BABAM2: variants seen among roughly 807,000 people sequenced by gnomAD.
BABAM2 encodes BRISC and BRCA1-A complex member 2.
A neutral mutation model predicts 54.7 loss-of-function variants in BABAM2; 31 were observed. The ratio of observed to expected loss-of-function variants is 0.57; its 90% CI spans 0.43 to 0.77. The LOEUF is 0.77. BABAM2 is among the 30% of genes least tolerant of loss of function. The pLI, the probability that BABAM2 is intolerant of heterozygous loss-of-function variation, is 0.00. For synonymous variants in BABAM2, 167 were observed against 162.9 expected, an observed-to-expected ratio of 1.03 and a Z score of -0.19; for missense variants, 364 against 455.8, an observed-to-expected ratio of 0.80 and a Z score of 1.83.
chr2:28,328,411 A>G (rs1057313146), intron 11 of BABAM2, among the ~76,000 whole-genome samples: 1 of 152,186 alleles, frequency 6.6e-6, no homozygotes, highest in Admixed American at 6.5e-5. Context: ...TCTATTTGCA[A>G]AAATGACCTC....
At chr2:28,245,207 A>G (rs1682808385) in intron 10 of BABAM2, among the ~76,000 whole-genome samples, 1 of 152,138 alleles carries the variant, frequency 6.6e-6, no homozygotes. Context: ...ACACACACAA[A>G]AAATTATTGA....
intron 3 of BABAM2, among the ~76,000 whole-genome samples, chr2:27,970,239 T>C (rs183070057): frequency 5.3e-5 from 8 of 152,220 alleles, no homozygotes; most frequent in Admixed American, 2.6e-4. Flanking sequence ...TTCCTGTATT[T>C]TCAGAATTTG....
At chr2:28,288,871 C>T (rs1339632827) in intron 10 of BABAM2, among the ~76,000 whole-genome samples, 1 of 151,968 alleles carries the variant, frequency 6.6e-6, no homozygotes, top group Admixed American at 6.6e-5. Flanking sequence ...GAAGTTGCTT[C>T]TTGACCTTGC....
chr2:28,334,984 TG>T (rs1427372639), intron 11 of BABAM2, among the ~76,000 whole-genome samples: 1 of 152,028 alleles, frequency 6.6e-6, no homozygotes, highest in Non-Finnish European at 1.5e-5. Context: ...CCAGAGAAGG[TG>T]GCGGTTTGGC....
chr2:28,051,720 C>T (rs1022021374), intron 6 of BABAM2, among the ~76,000 whole-genome samples: 1 of 152,088 alleles, frequency 6.6e-6, no homozygotes. Flanking sequence ...TCCATCTCGG[C>T]TCACTGCAAC....
intron 6 of BABAM2, among the ~76,000 whole-genome samples, chr2:28,088,779 T>C (rs1665902204): frequency 6.6e-6 from 1 of 152,188 alleles, no homozygotes; most frequent in Non-Finnish European, 1.5e-5. Context: ...GTATGTTTAT[T>C]CCTAATCCAT....
chr2:28,127,469 T>C (rs1453136683), intron 6 of BABAM2, among the ~76,000 whole-genome samples: 2 of 152,048 alleles, frequency 1.3e-5, no homozygotes, highest in Non-Finnish European at 2.9e-5. Flanking sequence ...ATAGAGAGTG[T>C]GTAGATATCT....
intron 6 of BABAM2, among the ~76,000 whole-genome samples, chr2:28,093,639 TA>T (rs149949233): frequency 3.0e-3 from 463 of 152,352 alleles, no homozygotes; most frequent in African/African-American, 0.011. Flanking sequence ...TACAACTTTT[TA>T]AATTTAGCTT....
At chr2:28,275,331 C>G (rs1685786835) in intron 10 of BABAM2, among the ~76,000 whole-genome samples, 1 of 152,224 alleles carries the variant, frequency 6.6e-6, no homozygotes, top group African/African-American at 2.4e-5. Context: ...TCCACTTTGA[C>G]TGAGGCTAGA....
At chr2:27,973,009 C>G (rs1671334582) in intron 3 of BABAM2, among the ~76,000 whole-genome samples, 1 of 151,802 alleles carries the variant, frequency 6.6e-6, no homozygotes, top group African/African-American at 2.4e-5. Flanking sequence ...CTCAGATGAT[C>G]CGCCCGCCTC....
At chr2:27,930,519 T>A (rs1434482078) in intron 3 of BABAM2, among the ~76,000 whole-genome samples, 1 of 152,202 alleles carries the variant, frequency 6.6e-6, no homozygotes, top group Non-Finnish European at 1.5e-5. Flanking sequence ...GGAGTTACCT[T>A]TACTGATTTA....
At chr2:28,195,685 T>C (rs1392590674) in intron 7 of BABAM2, among the ~76,000 whole-genome samples, 1 of 152,178 alleles carries the variant, frequency 6.6e-6, no homozygotes, top group Non-Finnish European at 1.5e-5. Context: ...ACAGTTCGGA[T>C]ATAGACAGCC....
rs530245296 is a variant in BABAM2, at chr2:28,311,185, CGGGA to C, written c.1088+12697_1088+12700del. Among the ~76,000 whole-genome samples, 28 of 143,774 alleles carry C rather than the reference CGGGA, an allele frequency of 1.9e-4. No homozygotes were observed. In the South Asian group the frequency reaches 6.5e-3, roughly 33 times the overall value. The allele number at this position is 143,774 out of a possible 152,430, so 94.3% of individuals were successfully genotyped here. ...CTGAGGCAGGAGAATGGCGTGAACC[CGGGA>C]GGCGGAGCTTGCAGTGAGCCGAGAT... On this transcript the variant is annotated intron_variant, in intron 11 of 11. Coordinates refer to ENST00000379624, the MANE Select transcript of BABAM2 (RefSeq NM_199191.3).
intron 6 of BABAM2, among the ~76,000 whole-genome samples, chr2:28,121,280 A>G (rs1189512466): frequency 6.6e-6 from 1 of 152,154 alleles, no homozygotes; most frequent in Non-Finnish European, 1.5e-5. Flanking sequence ...CTTTCTGACT[A>G]TACTGCTTTC....
intron 3 of BABAM2, among the ~76,000 whole-genome samples, chr2:27,948,895 C>G (rs370529525): frequency 6.6e-6 from 1 of 152,162 alleles, no homozygotes; most frequent in South Asian, 2.1e-4. Context: ...TTCAGAGATG[C>G]CCTTTATCAG....
chr2:28,085,262 CAAAG>C (rs1447590765), intron 6 of BABAM2, among the ~76,000 whole-genome samples: 2 of 152,100 alleles, frequency 1.3e-5, no homozygotes, highest in Admixed American at 1.3e-4. Context: ...CTTTATTAAA[CAAAG>C]AGATAAATAT....
chr2:28,239,167 A>G (rs1682184709), intron 8 of BABAM2, among the ~76,000 whole-genome samples: 1 of 152,250 alleles, frequency 6.6e-6, no homozygotes, highest in Non-Finnish European at 1.5e-5. Context: ...TTTTCTCAAA[A>G]TAACATTTCT....
chr2:28,044,763 C>T (rs916459159), intron 5 of BABAM2, among the ~76,000 whole-genome samples: 2 of 152,154 alleles, frequency 1.3e-5, no homozygotes, highest in African/African-American at 4.8e-5. Flanking sequence ...GATAGACATC[C>T]ACTCTGAGTA....
chr2:27,921,966 C>A (rs1259548020), intron 2 of BABAM2, among the ~76,000 whole-genome samples: 1 of 152,070 alleles, frequency 6.6e-6, no homozygotes, highest in Admixed American at 6.6e-5. Flanking sequence ...CACTAGGAGT[C>A]AAGATATATG....
Sources: gnomAD v4.1 joint callset for allele counts (sites outside exome capture counted in the v4.1 genomes callset) on GRCh38, gnomAD v4.1.1 for gene constraint, MANE v1.5 for transcripts, NCBI Gene and HGNC (gene_info 2026-07-23, HGNC 2026-07-21) for gene names.